ZFAT: variants seen among roughly 807,000 people sequenced by gnomAD.
ZFAT encodes the protein zinc finger protein ZFAT.
In ZFAT, 64 loss-of-function variants were observed where a neutral mutation model predicts 117.7. The ratio of observed to expected loss-of-function variants is 0.54; its 90% CI spans 0.44 to 0.67. ZFAT has a LOEUF of 0.67. Among genes scored for constraint, ZFAT ranks in the 30% least tolerant of loss-of-function variants. ZFAT has a pLI of 0.00. For synonymous variants in ZFAT, 679 were observed against 615.0 expected, an observed-to-expected ratio of 1.10 and a Z score of -1.54; for missense variants, 1,433 against 1,584.5, an observed-to-expected ratio of 0.90 and a Z score of 1.62.
At chr8:134,710,913 CAT>C (rs1378203248) in intron 1 of ZFAT, among the ~76,000 whole-genome samples, 5 of 152,306 alleles carry the variant, frequency 3.3e-5, no homozygotes, top group Admixed American at 6.5e-5. Flanking sequence ...TTTATTTACA[CAT>C]AAGTCCTTAC....
chr8:134,649,149 G>A (rs948751758), intron 2 of ZFAT, among the ~76,000 whole-genome samples: 2 of 139,688 alleles, frequency 1.4e-5, no homozygotes, highest in African/African-American at 2.9e-5. Flanking sequence ...TTAACCTAAT[G>A]AAGAACATCT....
chr8:134,703,077 A>G (rs936565021), intron 1 of ZFAT, among the ~76,000 whole-genome samples: 1 of 152,236 alleles, frequency 6.6e-6, no homozygotes, highest in Non-Finnish European at 1.5e-5. Flanking sequence ...AGAAGCCAGC[A>G]AACTATTTTC....
the ZFAT span, among the ~76,000 whole-genome samples, chr8:134,741,783 T>C: frequency 6.6e-6 from 1 of 151,904 alleles, no homozygotes; most frequent in Non-Finnish European, 1.5e-5. Flanking sequence ...TCACTCAGCA[T>C]CTGCACCAAA....
At chr8:134,513,024 C>G (rs1819971494) in intron 13 of ZFAT, among the ~76,000 whole-genome samples, 1 of 152,106 alleles carries the variant, frequency 6.6e-6, no homozygotes, top group Non-Finnish European at 1.5e-5. Flanking sequence ...AGGGGCACAG[C>G]CATGGGGCAG....
At chr8:134,565,209 C>A in intron 11 of ZFAT, 124 bp downstream of exon 11, 1 of 1,546,764 alleles carries the variant, frequency 6.5e-7, no homozygotes, top group Non-Finnish European at 8.7e-7. Flanking sequence ...CGTGTACCAG[C>A]TAAGGGGGCC....
At chr8:134,779,620 A>G in the ZFAT span, among the ~76,000 whole-genome samples, 3 of 152,254 alleles carry the variant, frequency 2.0e-5, no homozygotes, top group Non-Finnish European at 2.9e-5. Flanking sequence ...GTCTGGCTAC[A>G]AGAATGATTT....
chr8:134,566,393 C>CAAAAA (rs57041885), intron 10 of ZFAT, among the ~76,000 whole-genome samples: 2 of 77,298 alleles, frequency 2.6e-5, no homozygotes, highest in African/African-American at 9.2e-5. Context: ...GACTCCAACT[C>CAAAAA]AAAAAAAAAA....
At chr8:134,502,176 CG>C in intron 15 of ZFAT, among the ~76,000 whole-genome samples, 1 of 152,204 alleles carries the variant, frequency 6.6e-6, no homozygotes, top group Non-Finnish European at 1.5e-5. Context: ...ATCTGCCCCC[CG>C]ATGGGAGGAG....
rs146289195 is a variant in ZFAT at position 134,500,631 on chromosome 8, T to C, written c.3492+8988A>G. On this transcript the variant is annotated intron_variant, in intron 15 of 15. Transcript: ENST00000377838. ...CTTTGGGAAAGGATGCAATGTGGAGTAGCAGCCATCCAAAGTCATACCAGA... is the reference window on the plus strand; with the variant it reads ...CTTTGGGAAAGGATGCAATGTGGAGCAGCAGCCATCCAAAGTCATACCAGA... Among the ~76,000 whole-genome samples, 20 of 152,138 alleles carry C rather than the reference T, an allele frequency of 1.3e-4. No homozygotes were observed. The East Asian group carries it at 3.9e-3, about 29-fold the overall frequency.
intron 1 of ZFAT, among the ~76,000 whole-genome samples, chr8:134,697,145 C>T (rs963064217): frequency 5.3e-5 from 8 of 151,956 alleles, no homozygotes; most frequent in Admixed American, 2.6e-4. Flanking sequence ...CCGTTGGTCT[C>T]GCTCTGTCAC....
chr8:134,657,354 C>G (rs1421441182), intron 2 of ZFAT, among the ~76,000 whole-genome samples: 1 of 152,194 alleles, frequency 6.6e-6, no homozygotes, highest in African/African-American at 2.4e-5. Context: ...TCCATTCATT[C>G]TTTCATTCAT....
intron 12 of ZFAT, among the ~76,000 whole-genome samples, chr8:134,532,074 A>T (rs7386305): frequency 0.91 from 138,525 of 152,304 alleles, 63,294 homozygotes; most frequent in African/African-American, 0.96. Flanking sequence ...AACAGAATTC[A>T]CTGTATGGTA....
chr8:134,800,708 A>G, the ZFAT span: 3 of 350,744 alleles, frequency 8.6e-6, no homozygotes, highest in Admixed American at 7.7e-5. Context: ...ATGAGGCAAG[A>G]CTCAATCGGA....
chr8:134,716,878 A>G (rs965445066), upstream of ZFAT, among the ~76,000 whole-genome samples: 1 of 152,230 alleles, frequency 6.6e-6, no homozygotes, highest in Non-Finnish European at 1.5e-5. Flanking sequence ...CCTATTTCTT[A>G]CTTGAAGTTC....
intron 15 of ZFAT, among the ~76,000 whole-genome samples, chr8:134,508,839 G>A (rs1366579189): frequency 1.3e-5 from 2 of 152,154 alleles, no homozygotes; most frequent in Non-Finnish European, 2.9e-5. Flanking sequence ...TCCATGGTTT[G>A]CATTTCTTCT....
the ZFAT span, chr8:134,796,482 T>A: frequency 2.0e-5 from 3 of 152,174 alleles, no homozygotes; most frequent in Non-Finnish European, 4.4e-5. Flanking sequence ...GAGAGAAGTG[T>A]TGAGTGGAAT....
chr8:134,595,525 G>A (rs761827231), intron 7 of ZFAT, among the ~76,000 whole-genome samples: 5 of 152,152 alleles, frequency 3.3e-5, no homozygotes, highest in African/African-American at 4.8e-5. Flanking sequence ...AGACAGATAC[G>A]GGGCTGAACT....
At chr8:134,741,896 T>C in the ZFAT span, among the ~76,000 whole-genome samples, 1 of 150,806 alleles carries the variant, frequency 6.6e-6, no homozygotes, top group South Asian at 2.1e-4. Context: ...TTCACTTCTC[T>C]GCCTCCCCAG....
chr8:134,557,716 A>G lies in ZFAT; in HGVS notation c.2976+7617T>C, dbSNP rs142611546. On this transcript the variant is annotated intron_variant, in intron 11 of 15. Coordinates refer to ENST00000377838, the MANE Select transcript of ZFAT (RefSeq NM_020863.4). ...GAGAAGCAAATAACTTATACAACAC[A>G]TAGAAAACAGACACCAAGATCATAC... Among the ~76,000 whole-genome samples, 955 of 152,340 alleles carry G rather than the reference A, an allele frequency of 6.3e-3. 12 individuals carry two copies. The highest frequency in any genetic ancestry group is 0.022 in the African/African-American group (900 of 41,588).
Sources: allele counts gnomAD v4.1 joint callset (sites outside exome capture counted in the v4.1 genomes callset), GRCh38; gene constraint gnomAD v4.1.1; transcripts MANE v1.5; gene names NCBI Gene and HGNC (gene_info 2026-07-23, HGNC 2026-07-21).